SMARCA4: variants seen among roughly 807,000 people sequenced by gnomAD.
The protein encoded by SMARCA4 is SWI/SNF-related matrix-associated actin-dependent regulator of chromatin subfamily A member 4.
In SMARCA4, 31 loss-of-function variants were observed where a neutral mutation model predicts 193.9. That is an observed-to-expected ratio of 0.16 (90% CI 0.12 to 0.22). The LOEUF is 0.22. SMARCA4 is among the 10% of genes least tolerant of loss of function. SMARCA4 has a pLI of 1.00. For synonymous variants in SMARCA4, 942 were observed against 933.1 expected (o/e 1.01, Z -0.17); for missense variants, 1,148 against 2,296.0 (o/e 0.50, Z 10.22).
In SMARCA4 at chr19:10,982,235, G is replaced by A. The variant is rs1017591829; in HGVS notation, c.-31-1886G>A. Among the ~76,000 whole-genome samples, 29 of 152,206 alleles carry A rather than the reference G, an allele frequency of 1.9e-4. No individual in the cohort carries two copies. The East Asian group carries it at 5.7e-3, about 30-fold the overall frequency. ...CACACCTGTAATCCCAGCACTTTGG[G>A]AGGTCGAGGCGGTTGGGATCACGAG... On this transcript the variant is annotated intron_variant, in intron 1 of 34. Coordinates refer to ENST00000344626, the MANE Select transcript of SMARCA4 (RefSeq NM_003072.5).
intron 9 of SMARCA4, chr19:10,995,477 C>G (rs1186968940): frequency 2.2e-6 from 1 of 457,060 alleles, no homozygotes; most frequent in East Asian, 6.9e-5. Context: ...ATGAAGCAAA[C>G]AGAGTAGTGG....
chr19:11,009,674 C>A (rs937603019), intron 14 of SMARCA4, among the ~76,000 whole-genome samples: 2 of 151,174 alleles, frequency 1.3e-5, no homozygotes, highest in Middle Eastern at 3.2e-3. Context: ...CATGCACCAC[C>A]ACGCCCGGCT....
At chr19:10,988,040 C>G in intron 6 of SMARCA4, 116 bp downstream of exon 6, 4 of 1,080,100 alleles carry the variant, frequency 3.7e-6, no homozygotes, top group Non-Finnish European at 5.5e-6. Context: ...CCACCACTGC[C>G]ACTTGGCCTA....
intron 1 of SMARCA4, among the ~76,000 whole-genome samples, chr19:10,981,661 C>A (rs955310695): frequency 1.3e-5 from 2 of 152,154 alleles, no homozygotes; most frequent in African/African-American, 2.4e-5. Context: ...TCATTTTGAG[C>A]CTTTCATCTC....
At position 11,021,718 on chromosome 19, in the gene SMARCA4, C is replaced by T; in HGVS notation, c.2617-7C>T. On this transcript the variant is annotated splice_region_variant and splice_polypyrimidine_tract_variant and intron_variant, in intron 18 of 34. Coordinates refer to ENST00000344626, the MANE Select transcript of SMARCA4 (RefSeq NM_003072.5). ...CCTGCCCTGATTGCCCACTCTGGGG[C>T]CCGCAGATCCGTTGGAAGTACATGA... The T allele has an allele frequency of 1.2e-6, 2 of 1,605,552 alleles. No individual in the cohort carries two copies. The highest frequency in any genetic ancestry group is 1.7e-6 in the Non-Finnish European group (2 of 1,175,824).
intron 19 of SMARCA4, 130 bp from the exon 20 acceptor site, chr19:11,023,388 C>A: frequency 1.4e-6 from 1 of 698,004 alleles, no homozygotes; most frequent in Admixed American, 2.1e-5. Flanking sequence ...GGCTGAAAAG[C>A]CACGTGCCAA....
intron 1 of SMARCA4, among the ~76,000 whole-genome samples, chr19:10,978,780 A>ATATATATATAT (rs1555746925): frequency 2.4e-4 from 36 of 148,152 alleles, no homozygotes; most frequent in African/African-American, 8.9e-4. Flanking sequence ...AAATACAAAA[A>ATATATATATAT]ATATATATAT....
At chr19:11,048,395 T>C (rs1449501491) in intron 30 of SMARCA4, among the ~76,000 whole-genome samples, 1 of 152,150 alleles carries the variant, frequency 6.6e-6, no homozygotes, top group Non-Finnish European at 1.5e-5. Context: ...CCATCATGCC[T>C]GGCCGGAATT....
In SMARCA4 at chr19:11,058,252, C is replaced by G. The variant is rs748738510; in HGVS notation, c.4425-3C>G. 4 of 1,608,432 alleles carry G rather than the reference C, an allele frequency of 2.5e-6. No individual in the cohort carries two copies. The highest frequency in any genetic ancestry group is 2.2e-5 in the East Asian group (1 of 44,866). Reference sequence around the variant, plus strand: ...GGTGATAGCCGCCGGTTCTGCCTTGCAGCAGCAGTGGACGTCAGCTCAGCG... The same window carrying G: ...GGTGATAGCCGCCGGTTCTGCCTTGGAGCAGCAGTGGACGTCAGCTCAGCG... On this transcript the variant is annotated splice_region_variant and splice_polypyrimidine_tract_variant and intron_variant, in intron 30 of 34. Transcript: ENST00000344626. This position sits in a 1 kb window ranked among gnomAD's most constrained non-coding sequence, Gnocchi z 5.8.
intron 1 of SMARCA4, among the ~76,000 whole-genome samples, chr19:10,976,418 T>C (rs2085132654): frequency 6.6e-6 from 1 of 152,148 alleles, no homozygotes; most frequent in Non-Finnish European, 1.5e-5. Context: ...ACCATGCTTA[T>C]GGCTGTGGGA....
chr19:10,973,592 C>G (rs2084859218), intron 1 of SMARCA4, among the ~76,000 whole-genome samples: 2 of 111,752 alleles, frequency 1.8e-5, no homozygotes, highest in Non-Finnish European at 3.6e-5. Flanking sequence ...TTTTTTGAGA[C>G]AGAGTCTTGC....
At chr19:11,010,269 G>A (rs989633192) in intron 14 of SMARCA4, 112 bp from the exon 15 acceptor site, 19 of 1,209,104 alleles carry the variant, frequency 1.6e-5, no homozygotes, top group Non-Finnish European at 2.2e-5. Flanking sequence ...TACAGTGCTG[G>A]CCACAGGTCA....
At chr19:11,057,045 C>T (rs1600617428) in intron 30 of SMARCA4, among the ~76,000 whole-genome samples, 1 of 152,228 alleles carries the variant, frequency 6.6e-6, no homozygotes, top group Non-Finnish European at 1.5e-5. Context: ...GATGAGGCAG[C>T]TGGAGTTATC....
chr19:10,974,865 C>T (rs978441990), intron 1 of SMARCA4, among the ~76,000 whole-genome samples: 3 of 148,848 alleles, frequency 2.0e-5, no homozygotes, highest in Non-Finnish European at 3.0e-5. Flanking sequence ...CACCACCACG[C>T]CTAGCTAACT....
At chr19:11,056,520 T>G (rs1009115038) in intron 30 of SMARCA4, 2 of 152,336 alleles carry the variant, frequency 1.3e-5, no homozygotes, top group African/African-American at 4.8e-5. Flanking sequence ...AGGCGGGCTG[T>G]GTCCAGGCCA....
chr19:11,018,911 A>G (rs1238863019), intron 16 of SMARCA4, 46 bp from the exon 17 acceptor site: 3 of 1,521,358 alleles, frequency 2.0e-6, no homozygotes, highest in Non-Finnish European at 2.7e-6. Context: ...ACAGTGAGCC[A>G]TTGATGAGAG....
chr19:10,974,581 A>G (rs1194251609), intron 1 of SMARCA4, among the ~76,000 whole-genome samples: 2 of 146,400 alleles, frequency 1.4e-5, no homozygotes, highest in African/African-American at 5.0e-5. Context: ...TCCTCATCAC[A>G]TGCCATCAGA....
At chr19:10,995,499 T>C (rs540894188) in intron 9 of SMARCA4, 48 of 456,426 alleles carry the variant, frequency 1.1e-4, no homozygotes, top group African/African-American at 8.6e-4. Context: ...TGGTGACCGC[T>C]ACAGTGAGGA....
At chr19:11,057,423 C>T (rs769450509) in intron 30 of SMARCA4, among the ~76,000 whole-genome samples, 32 of 152,204 alleles carry the variant, frequency 2.1e-4, no homozygotes, top group Non-Finnish European at 4.0e-4. Flanking sequence ...CCAGTGAGGA[C>T]AGAGCAGAGA....
Sources: allele counts gnomAD v4.1 joint callset (sites outside exome capture counted in the v4.1 genomes callset), GRCh38; gene constraint gnomAD v4.1.1; non-coding constraint Gnocchi (gnomAD v3.1); transcripts MANE v1.5; gene names NCBI Gene and HGNC (gene_info 2026-07-23, HGNC 2026-07-21).